BLM: variants seen among roughly 807,000 people sequenced by gnomAD.
BLM encodes recQ-like DNA helicase BLM.
In BLM, 95 loss-of-function variants were observed where a neutral mutation model predicts 135.3. The ratio of observed to expected loss-of-function variants is 0.70; its 90% confidence interval spans 0.59 to 0.83. The LOEUF (loss-of-function observed/expected upper bound fraction) is 0.83, where lower values mean the gene tolerates loss of function less well. Among genes scored for constraint, BLM ranks in the 40% least tolerant of loss-of-function variants. The pLI, the probability that BLM is intolerant of heterozygous loss-of-function variation, is 0.00. For missense variants in BLM, 1,518 were observed against 1,663.9 expected (o/e 0.91, Z 1.53); for synonymous variants, 520 against 589.2 (o/e 0.88, Z 1.70).
At position 90,749,300 on chromosome 15, in the gene BLM, A is replaced by G. The variant is rs948944922; in HGVS notation, c.99-67A>G. On this transcript the variant is annotated intron_variant, in intron 2 of 21. Transcript: ENST00000355112. ...CCTGTGTGAATTAGTTTAAAAAATT[A>G]GTTTTGTAGAGTTGGGGGGTTTCTT... 4.3e-6 allele frequency: 5 copies of G among 1,156,504 alleles called. No individual in the cohort carries two copies. In the Admixed American group the frequency reaches 1.2e-4, roughly 27 times the overall value. 71.6% of individuals were successfully genotyped at this position (1,156,504 alleles called of 1,614,324 possible). A position where few individuals can be genotyped will look rare whatever the true frequency, so the allele number is the denominator to read the frequency against.
chr15:90,795,478 C>G (rs1260391921), intron 16 of BLM, among the ~76,000 whole-genome samples: 1 of 141,388 alleles, frequency 7.1e-6, no homozygotes, highest in East Asian at 2.0e-4. Flanking sequence ...GAAACTCCAT[C>G]AAAAAAAAAA....
intron 12 of BLM, among the ~76,000 whole-genome samples, chr15:90,774,618 G>C (rs150170281): frequency 0.013 from 2,017 of 151,562 alleles, 43 homozygotes; most frequent in African/African-American, 0.047. Flanking sequence ...TGGATCACCT[G>C]AGGTCAGGAG....
At position 90,784,928 on chromosome 15, in the gene BLM, A is replaced by G; in HGVS notation, c.2670A>G (p.Ser890=). 1.2e-6 allele frequency: 2 copies of G among 1,613,488 alleles called. No homozygotes were observed. Among genetic ancestry groups the G allele is most frequent in the Non-Finnish European group, 1.7e-6 (2 of 1,179,540 alleles). ...EWIRKHHPYD[S]GIIYCLSRRE... ...CTCTTGGTTTCTTGGCAGATGATTCAGGGATAATTTACTGCCTCTCCAGGC... is the reference window on the plus strand; with the variant it reads ...CTCTTGGTTTCTTGGCAGATGATTCGGGGATAATTTACTGCCTCTCCAGGC... The change falls in exon 14 of 22, where the codon TCA becomes TCG. Residue 890 remains serine (S), a synonymous_variant. Coordinates refer to ENST00000355112, the MANE Select transcript of BLM (RefSeq NM_000057.4).
At chr15:90,806,321 G>A (rs1897283873) in intron 19 of BLM, among the ~76,000 whole-genome samples, 1 of 152,106 alleles carries the variant, frequency 6.6e-6, no homozygotes, top group Non-Finnish European at 1.5e-5. Flanking sequence ...GACTAGCCTG[G>A]CCAACATGGT....
chr15:90,747,436 G>T lies in BLM; in HGVS notation c.44G>T (p.Arg15Leu). 1 of 1,611,698 alleles carries T rather than the reference G, an allele frequency of 6.2e-7. No homozygotes were observed. Among genetic ancestry groups the T allele is most frequent in the Non-Finnish European group, 8.5e-7 (1 of 1,178,736 alleles). ...AATAATCTACAGGAGCAACTAGAAC[G>T]TCACTCAGCCAGAACACTTAATAAT... ...PQNNLQEQLE[R>L]HSARTLNNKL... Residue 15 changes from arginine to leucine, a missense_variant, in exon 2 of 22, where the codon CGT (arginine) becomes CTT (leucine). Arg to Leu is a moderately radical substitution (Grantham distance 102). Coordinates refer to ENST00000355112, the MANE Select transcript of BLM (RefSeq NM_000057.4).
chr15:90,794,267 G>A lies in BLM; in HGVS notation c.3120G>A (p.Gln1040=), dbSNP rs1567058364. ...CENITECRRI[Q]LLAYFGENGF... is the part of the protein sequence containing the mutation. ...ATATAACGGAATGCAGGAGAATACAGCTTTTGGCCTACTTTGGTGAAAATG... is the reference window on the plus strand; with the variant it reads ...ATATAACGGAATGCAGGAGAATACAACTTTTGGCCTACTTTGGTGAAAATG... Residue 1040 remains glutamine, a synonymous_variant, in exon 16 of 22, where the codon CAG becomes CAA. Transcript: ENST00000355112. The A allele has an allele frequency of 6.2e-7, 1 of 1,607,156 alleles. No individual in the cohort carries two copies. The highest frequency in any genetic ancestry group is 8.5e-7 in the Non-Finnish European group (1 of 1,176,038).
At chr15:90,805,773 C>T (rs556388161) in intron 19 of BLM, among the ~76,000 whole-genome samples, 69 of 151,886 alleles carry the variant, frequency 4.5e-4, no homozygotes, top group African/African-American at 1.6e-3. Context: ...TCAGGTTATC[C>T]CCCTGCCTCA....
At chr15:90,797,414 C>CAAAAAAAAAAAAAAAAAAAAAAAAAA (rs56369282) in intron 16 of BLM, among the ~76,000 whole-genome samples, 1 of 109,576 alleles carries the variant, frequency 9.1e-6, no homozygotes. Flanking sequence ...AACTCCATCT[C>CAAAAAAAAAAAAAAAAAAAAAAAAAA]AAAAAAAAAA....
At chr15:90,752,594 T>A (rs1389053607) in intron 4 of BLM, among the ~76,000 whole-genome samples, 1 of 152,210 alleles carries the variant, frequency 6.6e-6, no homozygotes, top group Admixed American at 6.5e-5. Flanking sequence ...ACATTAGTAC[T>A]TTTTAAAAAA....
In BLM at chr15:90,729,199, A is replaced by G. The variant is rs548240071; in HGVS notation, c.-5+11759A>G. Among the ~76,000 whole-genome samples, 181 of 152,134 alleles carry G rather than the reference A, an allele frequency of 1.2e-3. 1 individual carries two copies. Among genetic ancestry groups the G allele is most frequent in the African/African-American group, 4.2e-3 (174 of 41,508 alleles). ...GTGGTACGCGCTTGTAATCCCAGCT[A>G]CTCAGGAGGCTGAGGTAGGAGAATT... On this transcript the variant is annotated intron_variant, in intron 1 of 21. Coordinates refer to ENST00000355112, the MANE Select transcript of BLM (RefSeq NM_000057.4).
intron 3 of BLM, 150 bp downstream of exon 3, chr15:90,750,217 T>C: frequency 1.2e-6 from 1 of 845,880 alleles, no homozygotes; most frequent in Non-Finnish European, 1.9e-6. Flanking sequence ...GTTGGCCACA[T>C]TTTTGAGGCA....
At chr15:90,800,965 T>C (rs1440341911) in intron 17 of BLM, among the ~76,000 whole-genome samples, 1 of 152,028 alleles carries the variant, frequency 6.6e-6, no homozygotes, top group African/African-American at 2.4e-5. Context: ...CTGGCCAACA[T>C]GGCAAAACCT....
intron 19 of BLM, chr15:90,808,765 C>A: frequency 3.0e-6 from 1 of 337,922 alleles, no homozygotes; most frequent in Non-Finnish European, 5.7e-6. Flanking sequence ...AGAAATGCAG[C>A]GTTCTCAGTA....
At chr15:90,768,429 A>C (rs1896198296) in intron 10 of BLM, among the ~76,000 whole-genome samples, 1 of 152,158 alleles carries the variant, frequency 6.6e-6, no homozygotes, top group Non-Finnish European at 1.5e-5. Context: ...GCTCGTTGCT[A>C]CTGAGATGTC....
chr15:90,795,127 C>T (rs1287777052), intron 16 of BLM, among the ~76,000 whole-genome samples: 1 of 152,168 alleles, frequency 6.6e-6, no homozygotes, highest in Non-Finnish European at 1.5e-5. Context: ...CACAAGTGAC[C>T]ATGGTATGGA....
intron 1 of BLM, among the ~76,000 whole-genome samples, chr15:90,742,375 A>G (rs1278639341): frequency 1.3e-5 from 2 of 152,174 alleles, no homozygotes; most frequent in African/African-American, 4.8e-5. Context: ...GGAAACAGAA[A>G]CATCTAAATG....
rs760696149 is a variant in BLM, at chr15:90,749,499, A to C, written c.231A>C (p.Leu77=). The stretch of plus-strand genomic sequence containing the variant: ...AAGACTTTTCCTTCAGTGAACCTCT[A>C]CCCAACACCACAAATCAGCAAAGGG... ...VTEDFSFSEP[L]PNTTNQQRVK... Residue 77 remains leucine (L), a synonymous_variant, in exon 3 of 22, where the codon CTA becomes CTC. Coordinates refer to ENST00000355112, the MANE Select transcript of BLM (RefSeq NM_000057.4). The C allele has an allele frequency of 1.2e-6, 2 of 1,614,188 alleles. No homozygotes were observed. The highest frequency in any genetic ancestry group is 2.2e-5 in the South Asian group (2 of 91,082).
At chr15:90,760,005 G>A (rs1465490131) in intron 5 of BLM, 142 bp from the exon 6 acceptor site, 3 of 702,836 alleles carry the variant, frequency 4.3e-6, no homozygotes, top group Admixed American at 2.3e-5. Context: ...GCCCAGGCTG[G>A]TCTTGAACTC....
intron 14 of BLM, among the ~76,000 whole-genome samples, chr15:90,786,161 T>A (rs75603754): frequency 1.3e-5 from 2 of 152,034 alleles, no homozygotes; most frequent in Non-Finnish European, 2.9e-5. Flanking sequence ...CTAATTTTTT[T>A]ATTTTTTGTA....
Sources: gnomAD v4.1 joint callset for allele counts (sites outside exome capture counted in the v4.1 genomes callset) on GRCh38, gnomAD v4.1.1 for gene constraint, MANE v1.5 for transcripts, NCBI Gene and HGNC (gene_info 2026-07-23, HGNC 2026-07-21) for gene names.